Variants in IL19 observed in about 807,000 individuals in gnomAD.
IL19 encodes the protein interleukin 19, also known as interleukin-19.
A neutral mutation model predicts 19.5 loss-of-function variants in IL19; 15 were observed. The ratio of observed to expected loss-of-function variants is 0.77; its 90% CI spans 0.52 to 1.19. The LOEUF (loss-of-function observed/expected upper bound fraction) is 1.19, where lower values mean the gene tolerates loss of function less well. Among genes scored for constraint, IL19 ranks in the 50% most tolerant of loss-of-function variants. IL19 has a pLI of 0.00. For synonymous variants in IL19, 78 were observed against 78.3 expected (o/e 1.00, Z 0.02); for missense variants, 199 against 213.1 (o/e 0.93, Z 0.41).
chr1:206,816,298 G>C (rs772653887), intron 2 of IL19, among the ~76,000 whole-genome samples: 3 of 152,012 alleles, frequency 2.0e-5, no homozygotes, highest in Non-Finnish European at 2.9e-5. Flanking sequence ...ATCTTTAAAA[G>C]ATAATTATTT....
At chr1:206,799,442 G>A (rs940099295) in intron 2 of IL19, among the ~76,000 whole-genome samples, 36 of 152,246 alleles carry the variant, frequency 2.4e-4, no homozygotes, top group African/African-American at 7.9e-4. Context: ...GCTGCTGCAC[G>A]ACACAGAGGG....
intron 2 of IL19, among the ~76,000 whole-genome samples, chr1:206,815,861 G>C (rs188257523): frequency 2.6e-5 from 4 of 152,302 alleles, no homozygotes; most frequent in Admixed American, 2.6e-4. Context: ...ATAGGTTCTT[G>C]AAAATGGCAA....
chr1:206,775,186 G>T (rs1168050445), intron 1 of IL19, among the ~76,000 whole-genome samples: 1 of 151,938 alleles, frequency 6.6e-6, no homozygotes, highest in Non-Finnish European at 1.5e-5. Context: ...GACTACAGGC[G>T]CCTGGCACCA....
chr1:206,801,056 C>T (rs1013613491), intron 2 of IL19, among the ~76,000 whole-genome samples: 18 of 152,244 alleles, frequency 1.2e-4, no homozygotes, highest in Admixed American at 5.9e-4. Flanking sequence ...AAATTGCAAC[C>T]TTCCTCAGAA....
At chr1:206,772,482 G>T in intron 1 of IL19, 1 of 1,583,602 alleles carries the variant, frequency 6.3e-7, no homozygotes, top group Non-Finnish European at 8.7e-7. Flanking sequence ...GCAAGAGCAA[G>T]CCCCTGATGT....
chr1:206,783,545 C>T (rs901873054), intron 1 of IL19, among the ~76,000 whole-genome samples: 1 of 152,168 alleles, frequency 6.6e-6, no homozygotes, highest in African/African-American at 2.4e-5. Flanking sequence ...ACTGGTTTCA[C>T]GAAAGCGGCT....
In IL19 at chr1:206,770,898, G is replaced by A; in HGVS notation, c.-329G>A. On this transcript the variant is annotated 5_prime_UTR_variant, in exon 1 of 7. Transcript: ENST00000659997. ...CAGCTGCAAGGGAAAAAACTGATCT[G>A]CTACTTACACAGCGCCGTAGCCTCA... 6.2e-7 allele frequency: 1 copy of A among 1,613,854 alleles called. No homozygotes were observed. Among genetic ancestry groups the A allele is most frequent in the South Asian group, 1.1e-5 (1 of 91,068 alleles).
chr1:206,780,532 T>C lies in IL19; in HGVS notation c.-149+9454T>C, dbSNP rs547995482. 4.6e-5 allele frequency among the ~76,000 whole-genome samples: 7 copies of C among 152,352 alleles called. No homozygotes were observed. In the East Asian group the frequency reaches 1.3e-3, roughly 29 times the overall value. On this transcript the variant is annotated intron_variant, in intron 1 of 6. Coordinates refer to ENST00000659997, the MANE Select transcript of IL19 (RefSeq NM_153758.5). ...TAGCTTTTCCAGTTTTTAAAAGAAT[T>C]GATCTGATTACTAATTAGTGCTCTT... is the stretch of plus-strand genomic sequence containing the variant.
At position 206,771,014 on chromosome 1, in the gene IL19, G is replaced by C. The variant is rs745801059; in HGVS notation, c.-213G>C. On this transcript the variant is annotated 5_prime_UTR_variant, in exon 1 of 7. Coordinates refer to ENST00000659997, the MANE Select transcript of IL19 (RefSeq NM_153758.5). ...TCAGCTTGGGGCATCACCTCCTCCA[G>C]GTAAAACTGGATCATCTCAGACAAG... 2 of 1,614,106 alleles carry C rather than the reference G, an allele frequency of 1.2e-6. No homozygotes were observed. Among genetic ancestry groups the C allele is most frequent in the Non-Finnish European group, 1.7e-6 (2 of 1,179,982 alleles).
At chr1:206,839,194 G>T (rs140106079) in intron 4 of IL19, among the ~76,000 whole-genome samples, 25 of 152,330 alleles carry the variant, frequency 1.6e-4, no homozygotes, top group African/African-American at 6.0e-4. Context: ...CACTCTGCAG[G>T]CTGCAGACCT....
chr1:206,796,368 C>T (rs1675522813), intron 1 of IL19, among the ~76,000 whole-genome samples: 1 of 152,320 alleles, frequency 6.6e-6, no homozygotes, highest in Middle Eastern at 3.4e-3. Flanking sequence ...TCTGGAAATC[C>T]TGTGATTCAG....
chr1:206,816,084 C>T (rs1307701384), intron 2 of IL19, among the ~76,000 whole-genome samples: 1 of 152,070 alleles, frequency 6.6e-6, no homozygotes, highest in African/African-American at 2.4e-5. Context: ...AATTCTGTAT[C>T]CAGTGAAATT....
chr1:206,810,867 T>C (rs1011802112), intron 2 of IL19, among the ~76,000 whole-genome samples: 4 of 152,198 alleles, frequency 2.6e-5, no homozygotes, highest in African/African-American at 9.6e-5. Flanking sequence ...TCTCACTCTA[T>C]TTGTTCACCT....
intron 1 of IL19, among the ~76,000 whole-genome samples, chr1:206,781,236 T>C (rs1291918161): frequency 6.6e-6 from 1 of 151,338 alleles, no homozygotes; most frequent in Admixed American, 6.6e-5. Flanking sequence ...ACTAGGTCAG[T>C]AGTTCAAGAC....
chr1:206,841,616 G>A (rs942124789), intron 6 of IL19, among the ~76,000 whole-genome samples: 3 of 152,202 alleles, frequency 2.0e-5, no homozygotes, highest in Admixed American at 2.0e-4. Flanking sequence ...GCTGGGATGA[G>A]CCTGAGTTTC....
At chr1:206,808,150 G>A (rs971266629) in intron 2 of IL19, among the ~76,000 whole-genome samples, 2 of 152,178 alleles carry the variant, frequency 1.3e-5, no homozygotes, top group African/African-American at 4.8e-5. Flanking sequence ...GGCCAACATG[G>A]CGAAACCCTG....
At chr1:206,837,151 C>G (rs547456294) in intron 4 of IL19, 128 bp downstream of exon 4, 1 of 740,400 alleles carries the variant, frequency 1.4e-6, no homozygotes, top group Admixed American at 2.7e-5. Context: ...ATGCACCAGG[C>G]TTCTTTGTCA....
intron 1 of IL19, among the ~76,000 whole-genome samples, chr1:206,781,991 T>C (rs188195624): frequency 3.3e-5 from 2 of 60,938 alleles, no homozygotes; most frequent in African/African-American, 1.0e-4. Flanking sequence ...CATATATATG[T>C]ATATGTTATA....
intron 1 of IL19, among the ~76,000 whole-genome samples, chr1:206,788,206 GCTAT>G (rs1675310991): frequency 6.6e-6 from 1 of 152,166 alleles, no homozygotes; most frequent in South Asian, 2.1e-4. Context: ...ACTGATGCCA[GCTAT>G]CTGATACTGT....
Sources: allele counts gnomAD v4.1 joint callset (sites outside exome capture counted in the v4.1 genomes callset), GRCh38; gene constraint gnomAD v4.1.1; transcripts MANE v1.5; gene names NCBI Gene and HGNC (gene_info 2026-07-23, HGNC 2026-07-21).